PALD1: variants seen among roughly 807,000 people sequenced by gnomAD.
PALD1 encodes paladin.
PALD1 carries 57 observed loss-of-function variants against 96.0 expected under a neutral mutation model. The observed-to-expected ratio is 0.59, with a 90% confidence interval of 0.48 to 0.74. The LOEUF (loss-of-function observed/expected upper bound fraction) is 0.74, where lower values mean the gene tolerates loss of function less well. Among genes scored for constraint, PALD1 ranks in the 30% least tolerant of loss-of-function variants. The pLI is 0.00. For synonymous variants in PALD1, 464 were observed against 473.6 expected (o/e 0.98, Z 0.26); for missense variants, 1,063 against 1,143.7 (o/e 0.93, Z 1.02).
intron 18 of PALD1, among the ~76,000 whole-genome samples, chr10:70,556,357 C>G (rs1847611594): frequency 6.6e-6 from 1 of 150,608 alleles, no homozygotes; most frequent in African/African-American, 2.5e-5. Flanking sequence ...GCTCTGTTGC[C>G]CAGGCTGGAG....
intron 1 of PALD1, among the ~76,000 whole-genome samples, chr10:70,522,898 C>T (rs1335582620): frequency 6.6e-6 from 1 of 152,130 alleles, no homozygotes; most frequent in Non-Finnish European, 1.5e-5. Context: ...ACACTGAGGC[C>T]CAGAGAGGGG....
intron 2 of PALD1, among the ~76,000 whole-genome samples, 175 bp downstream of exon 2, chr10:70,526,311 A>T (rs1468561451): frequency 1.3e-5 from 2 of 152,150 alleles, no homozygotes; most frequent in Non-Finnish European, 2.9e-5. Context: ...CACTGCATGC[A>T]CCTGGCAGAG....
chr10:70,550,350 G>C (rs186464417), intron 18 of PALD1, among the ~76,000 whole-genome samples: 2 of 152,296 alleles, frequency 1.3e-5, no homozygotes, highest in Admixed American at 6.5e-5. Flanking sequence ...TCACATGTTA[G>C]ACTTGTTAAA....
rs1433132019 is a variant in PALD1, at chr10:70,539,408, T to C, written c.1725+161T>C. ...GGCCAACTCAGGATTCCCACTAAAGTGCTCTGCTAACCTGCTTGGCTTTGG... is the reference window on the plus strand; with the variant it reads ...GGCCAACTCAGGATTCCCACTAAAGCGCTCTGCTAACCTGCTTGGCTTTGG... On this transcript the variant is annotated intron_variant, in intron 14 of 19. Coordinates refer to ENST00000263563, the MANE Select transcript of PALD1 (RefSeq NM_014431.3). The surrounding 1 kb of genome is among the most constrained non-coding windows in gnomAD (Gnocchi z 4.5). Among the ~76,000 whole-genome samples, 1 of 151,968 alleles carries C rather than the reference T, an allele frequency of 6.6e-6. No individual in the cohort carries two copies. Among genetic ancestry groups the C allele is most frequent in the African/African-American group, 2.4e-5 (1 of 41,372 alleles).
chr10:70,489,789 A>AC (rs1390546849), intron 1 of PALD1, among the ~76,000 whole-genome samples: 2 of 152,006 alleles, frequency 1.3e-5, no homozygotes, highest in Non-Finnish European at 2.9e-5. Context: ...CTCAAAAGAT[A>AC]CCCCAGTACC....
intron 1 of PALD1, among the ~76,000 whole-genome samples, chr10:70,516,210 A>G (rs1846616290): frequency 6.6e-6 from 1 of 152,088 alleles, no homozygotes; most frequent in Non-Finnish European, 1.5e-5. Flanking sequence ...AGCTCATTGC[A>G]ACCTCTGCCT....
rs868063578 is a variant in PALD1 at position 70,507,766 on chromosome 10, T to C, written c.-29-18157T>C. ...TTGTGTGTGCGTGTGTGTGTGTGTGTGTGTGTGTGTGTGTGTGTGTGTGTG... is the reference window on the plus strand; with the variant it reads ...TTGTGTGTGCGTGTGTGTGTGTGTGCGTGTGTGTGTGTGTGTGTGTGTGTG... On this transcript the variant is annotated intron_variant, in intron 1 of 19. Coordinates refer to ENST00000263563, the MANE Select transcript of PALD1 (RefSeq NM_014431.3). 5.4e-3 allele frequency among the ~76,000 whole-genome samples: 770 copies of C among 141,298 alleles called. 24 individuals carry two copies. The highest frequency in any genetic ancestry group is 1.8e-3 in the East Asian group (9 of 5,086). The allele number at this position is 141,298 out of a possible 152,430, so 92.7% of individuals were successfully genotyped here. A position where few individuals can be genotyped will look rare whatever the true frequency, so the allele number is the denominator to read the frequency against.
intron 1 of PALD1, among the ~76,000 whole-genome samples, chr10:70,516,465 T>A (rs1329470196): frequency 6.6e-6 from 1 of 152,228 alleles, no homozygotes; most frequent in Non-Finnish European, 1.5e-5. Context: ...GATGAATGAG[T>A]GAACTTAGTT....
At chr10:70,499,705 C>T (rs1246077267) in intron 1 of PALD1, among the ~76,000 whole-genome samples, 1 of 152,174 alleles carries the variant, frequency 6.6e-6, no homozygotes, top group Non-Finnish European at 1.5e-5. Context: ...CCGAAGCTGC[C>T]CGGGGGCCTG....
chr10:70,543,496 C>A (rs536217500), intron 17 of PALD1, among the ~76,000 whole-genome samples: 2 of 152,038 alleles, frequency 1.3e-5, no homozygotes, highest in Admixed American at 6.6e-5. Flanking sequence ...TATCCTAAGA[C>A]TTTTATAGTT....
intron 1 of PALD1, among the ~76,000 whole-genome samples, chr10:70,492,448 C>CTTTTTTTTTTT (rs1157960799): frequency 1.2e-5 from 1 of 80,156 alleles, no homozygotes; most frequent in Non-Finnish European, 2.5e-5. Flanking sequence ...GCATTTTTGA[C>CTTTTTTTTTTT]TTTTTTTTTT....
chr10:70,497,570 T>C (rs972860580), intron 1 of PALD1, among the ~76,000 whole-genome samples: 1 of 151,994 alleles, frequency 6.6e-6, no homozygotes, highest in Non-Finnish European at 1.5e-5. Flanking sequence ...AAAACTTTTT[T>C]TTTTTTTTTT....
the PALD1 span, among the ~76,000 whole-genome samples, chr10:70,461,775 G>A: frequency 2.0e-5 from 3 of 152,176 alleles, no homozygotes; most frequent in Admixed American, 1.3e-4. Flanking sequence ...ACTTGGCATT[G>A]TGATTTTTTT....
chr10:70,512,267 C>A (rs1405757185), intron 1 of PALD1, among the ~76,000 whole-genome samples: 1 of 152,214 alleles, frequency 6.6e-6, no homozygotes, highest in African/African-American at 2.4e-5. Context: ...GCTGGCTGTC[C>A]CTGCTTCTGG....
intron 17 of PALD1, among the ~76,000 whole-genome samples, chr10:70,545,106 G>A (rs1847334585): frequency 6.6e-6 from 1 of 151,972 alleles, no homozygotes; most frequent in Non-Finnish European, 1.5e-5. Context: ...TGGGGAGCAG[G>A]TGTGAAAGTG....
chr10:70,493,060 A>T (rs1846125418), intron 1 of PALD1, among the ~76,000 whole-genome samples: 1 of 151,936 alleles, frequency 6.6e-6, no homozygotes, highest in Non-Finnish European at 1.5e-5. Context: ...CAGGAAACAA[A>T]TGGGCTCACT....
At chr10:70,474,143 G>A (rs1412140099), upstream of PALD1, among the ~76,000 whole-genome samples, 8 of 152,150 alleles carry the variant, frequency 5.3e-5, no homozygotes. Flanking sequence ...GGGAGGGAGG[G>A]GAGCAAGATC....
At chr10:70,561,586 C>T (rs1285394317) in intron 18 of PALD1, among the ~76,000 whole-genome samples, 1 of 152,136 alleles carries the variant, frequency 6.6e-6, no homozygotes. Context: ...AAATCCTGCC[C>T]CCAGCGGCCC....
Position 70,539,092 on chromosome 10 carries a change from G to T in PALD1, c.1570G>T (p.Ala524Ser). Residue 524 changes from alanine to serine, a missense_variant and splice_region_variant, in exon 14 of 20, where the codon GCC (alanine) becomes TCC (serine). Physicochemically the swap from Ala to Ser is moderately conservative, Grantham distance 99. Coordinates refer to ENST00000263563, the MANE Select transcript of PALD1 (RefSeq NM_014431.3). The surrounding 1 kb of genome is among the most constrained non-coding windows in gnomAD (Gnocchi z 4.5). Reference sequence around the variant, plus strand: ...TCACTGCCGGCCCTCCTGTGCCCAGGCCCTGGGGAGCATCCTGGCCTACCT... The same window carrying T: ...TCACTGCCGGCCCTCCTGTGCCCAGTCCCTGGGGAGCATCCTGGCCTACCT... ...IYGTAQPSAK[A>S]LGSILAYLTD... The T allele has an allele frequency of 6.2e-7, 1 of 1,613,882 alleles. No homozygotes were observed. The highest frequency in any genetic ancestry group is 8.5e-7 in the Non-Finnish European group (1 of 1,179,892).
Sources: allele counts gnomAD v4.1 joint callset (sites outside exome capture counted in the v4.1 genomes callset), GRCh38; gene constraint gnomAD v4.1.1; non-coding constraint Gnocchi (gnomAD v3.1); transcripts MANE v1.5; gene names NCBI Gene and HGNC (gene_info 2026-07-23, HGNC 2026-07-21).